Variants in CDC27 observed in about 807,000 individuals in gnomAD.
CDC27 encodes cell division cycle protein 27 homolog.
CDC27 carries 27 observed loss-of-function variants against 109.7 expected under a neutral mutation model. The observed-to-expected ratio is 0.25, with a 90% CI of 0.18 to 0.34. The LOEUF is 0.34. Among genes scored for constraint, CDC27 ranks in the 10% least tolerant of loss-of-function variants. CDC27 has a pLI of 1.00. For synonymous variants in CDC27, 266 were observed against 333.9 expected, an observed-to-expected ratio of 0.80 and a Z score of 2.22; for missense variants, 579 against 960.2, an observed-to-expected ratio of 0.60 and a Z score of 5.25.
chr17:47,140,289 T>G (rs1731954029), intron 12 of CDC27, among the ~76,000 whole-genome samples: 2 of 152,266 alleles, frequency 1.3e-5, no homozygotes, highest in South Asian at 4.1e-4. Context: ...ATTTTTTCAT[T>G]TTTTTGTAGA....
chr17:47,181,415 GA>G, intron 2 of CDC27, 146 bp downstream of exon 2: 1 of 478,346 alleles, frequency 2.1e-6, no homozygotes, highest in Admixed American at 3.3e-5. Context: ...GAACTACACA[GA>G]AAAAAAGTAA....
chr17:47,132,144 G>A (rs199678268), intron 15 of CDC27, 113 bp downstream of exon 15: 11 of 614,248 alleles, frequency 1.8e-5, no homozygotes, highest in South Asian at 9.7e-5. Context: ...ATAGGCTCCA[G>A]AATACTGTTT....
chr17:47,144,382 G>A (rs757184693), intron 9 of CDC27, among the ~76,000 whole-genome samples: 8 of 152,006 alleles, frequency 5.3e-5, no homozygotes, highest in Non-Finnish European at 8.8e-5. Flanking sequence ...ACTCTGGATC[G>A]ACAAATGATA....
intron 16 of CDC27, among the ~76,000 whole-genome samples, chr17:47,128,749 T>G (rs2062226769): frequency 1.3e-5 from 2 of 151,914 alleles, no homozygotes; most frequent in African/African-American, 4.8e-5. Context: ...ATTCGTTTTC[T>G]TTTTCTGTTT....
intron 9 of CDC27, among the ~76,000 whole-genome samples, chr17:47,149,155 G>T (rs2063073239): frequency 1.4e-5 from 2 of 147,776 alleles, no homozygotes; most frequent in African/African-American, 5.0e-5. Context: ...GATGAAATAA[G>T]AACTTTTTTT....
intron 4 of CDC27, among the ~76,000 whole-genome samples, chr17:47,166,234 G>C (rs1370461026): frequency 6.6e-6 from 1 of 152,106 alleles, no homozygotes; most frequent in Non-Finnish European, 1.5e-5. Context: ...CTGTTTTCTG[G>C]AAGAGATTAT....
chr17:47,152,749 T>C (rs1427190409), intron 8 of CDC27, among the ~76,000 whole-genome samples: 1 of 152,192 alleles, frequency 6.6e-6, no homozygotes, highest in Non-Finnish European at 1.5e-5. Flanking sequence ...TAAAACCTTA[T>C]TTTAGCCTTT....
At chr17:47,157,406 A>T in intron 5 of CDC27, 22 bp from the exon 6 acceptor site, 1 of 1,586,738 alleles carries the variant, frequency 6.3e-7, no homozygotes, top group Non-Finnish European at 8.6e-7. Flanking sequence ...AAAAAAAAAA[A>T]AGTTTGTCTC....
intron 1 of CDC27, among the ~76,000 whole-genome samples, chr17:47,182,531 T>G (rs961699401): frequency 3.9e-5 from 6 of 152,234 alleles, no homozygotes; most frequent in African/African-American, 1.4e-4. Context: ...TATACATTTG[T>G]ACATATCATC....
At chr17:47,160,227 C>CTTTT (rs759655850) in intron 4 of CDC27, among the ~76,000 whole-genome samples, 3 of 135,678 alleles carry the variant, frequency 2.2e-5, no homozygotes, top group Non-Finnish European at 4.8e-5. Flanking sequence ...GCCTCTCTAG[C>CTTTT]TTTTTTTTTT....
chr17:47,156,170 G>A (rs2063298506), intron 7 of CDC27, among the ~76,000 whole-genome samples: 1 of 151,690 alleles, frequency 6.6e-6, no homozygotes, highest in Non-Finnish European at 1.5e-5. Context: ...ATGGAGTCTT[G>A]CCCTGTCTCC....
At chr17:47,173,707 T>A (rs1446764622) in intron 2 of CDC27, among the ~76,000 whole-genome samples, 1 of 152,246 alleles carries the variant, frequency 6.6e-6, no homozygotes, top group East Asian at 1.9e-4. Context: ...GTAATTTTAG[T>A]GTAATACTGC....
chr17:47,169,683 C>T (rs1466405629), intron 4 of CDC27: 6 of 304,374 alleles, frequency 2.0e-5, no homozygotes, highest in Non-Finnish European at 6.0e-6. Context: ...ACAAAAAAAC[C>T]TAACATGTAT....
chr17:47,184,190 T>TC (rs2064344503), intron 1 of CDC27, among the ~76,000 whole-genome samples: 1 of 152,236 alleles, frequency 6.6e-6, no homozygotes, highest in Non-Finnish European at 1.5e-5. Flanking sequence ...CTCAATCTCT[T>TC]CATCTGATAA....
At chr17:47,175,017 AAGAAAGAGAGAAAGAG>A (rs1567713148) in intron 2 of CDC27, among the ~76,000 whole-genome samples, 1 of 148,204 alleles carries the variant, frequency 6.7e-6, no homozygotes, top group Non-Finnish European at 1.5e-5. Context: ...GAGAGAAAGA[AAGAAAGAGAGAAAGAG>A]AGAGAGAGGA....
chr17:47,174,596 G>A (rs1162749559), intron 2 of CDC27, among the ~76,000 whole-genome samples: 1 of 149,010 alleles, frequency 6.7e-6, no homozygotes, highest in Non-Finnish European at 1.5e-5. Context: ...GAAATCAATC[G>A]TGTACTAGTT....
intron 16 of CDC27, among the ~76,000 whole-genome samples, chr17:47,124,256 CATCTATCT>C (rs71365043): frequency 1.4e-4 from 21 of 148,282 alleles, no homozygotes; most frequent in East Asian, 3.9e-4. Flanking sequence ...TGCTTTTGGT[CATCTATCT>C]ATCTATCTAT....
At chr17:47,154,894 T>C (rs1218900844) in intron 7 of CDC27, 108 bp from the exon 8 acceptor site, 1 of 606,662 alleles carries the variant, frequency 1.6e-6, no homozygotes, top group Non-Finnish European at 3.0e-6. Context: ...AAATCAGTCT[T>C]AGGGACAGTG....
At chr17:47,134,107 C>G (rs2062489336) in intron 14 of CDC27, among the ~76,000 whole-genome samples, 1 of 151,904 alleles carries the variant, frequency 6.6e-6, no homozygotes, top group African/African-American at 2.4e-5. Flanking sequence ...CTATGTTGAC[C>G]AAGCTGGTTT....
Sources: gnomAD v4.1 joint callset for allele counts (sites outside exome capture counted in the v4.1 genomes callset) on GRCh38, gnomAD v4.1.1 for gene constraint, MANE v1.5 for transcripts, NCBI Gene and HGNC (gene_info 2026-07-23, HGNC 2026-07-21) for gene names.